The following ANO3 variants were observed in gnomAD, a reference collection of about 807,000 sequenced individuals.
The protein encoded by ANO3 is anoctamin 3.
In ANO3, 99 loss-of-function variants were observed where a neutral mutation model predicts 144.8. That is an observed-to-expected ratio of 0.68 (90% confidence interval 0.58 to 0.81). The LOEUF is 0.81. Among genes scored for constraint, ANO3 ranks in the 30% least tolerant of loss-of-function variants. ANO3 has a pLI of 0.00. For synonymous variants in ANO3, 414 were observed against 392.6 expected (o/e 1.05, Z -0.64); for missense variants, 905 against 1,202.2 (o/e 0.75, Z 3.66).
At chr11:26,561,217 A>G (rs755698603) in intron 14 of ANO3, 1 of 1,602,488 alleles carries the variant, frequency 6.2e-7, no homozygotes, top group East Asian at 2.3e-5. Flanking sequence ...GCATTGTCTA[A>G]TCGCAGAACT....
chr11:26,564,726 CACACACATATATATATATATAT>C (rs1352079320), intron 14 of ANO3, among the ~76,000 whole-genome samples: 106 of 49,306 alleles, frequency 2.1e-3, no homozygotes, highest in African/African-American at 7.8e-3. Flanking sequence ...CACACACACA[CACACACATATATATATATATAT>C]ATATATATAT....
intron 11 of ANO3, among the ~76,000 whole-genome samples, chr11:26,544,873 T>C (rs1440577772): frequency 6.6e-6 from 1 of 151,964 alleles, no homozygotes; most frequent in African/African-American, 2.4e-5. Flanking sequence ...GGATTTTTTT[T>C]CTTAAAAAAT....
chr11:26,396,243 C>T (rs1464775006), intron 1 of ANO3, among the ~76,000 whole-genome samples: 1 of 152,126 alleles, frequency 6.6e-6, no homozygotes, highest in African/African-American at 2.4e-5. Context: ...AATGAAATAC[C>T]ATCTCATGCC....
At chr11:26,555,824 A>T (rs1057171618) in intron 13 of ANO3, among the ~76,000 whole-genome samples, 12 of 152,196 alleles carry the variant, frequency 7.9e-5, no homozygotes, top group Non-Finnish European at 1.8e-4. Context: ...ATCAGATATA[A>T]GGGAGCAGAT....
chr11:26,190,495 T>C (rs1246514629), intron 1 of ANO3, among the ~76,000 whole-genome samples: 1 of 152,206 alleles, frequency 6.6e-6, no homozygotes, highest in Non-Finnish European at 1.5e-5. Context: ...GTAGGGAAAT[T>C]AATTTTTTAC....
At chr11:26,191,502 G>A (rs1258905890) in intron 1 of ANO3, among the ~76,000 whole-genome samples, 1 of 151,938 alleles carries the variant, frequency 6.6e-6, no homozygotes, top group East Asian at 1.9e-4. Flanking sequence ...CCTGCCCATG[G>A]ATGGCTAGGA....
chr11:26,226,823 A>T (rs1852267031), intron 1 of ANO3, among the ~76,000 whole-genome samples: 1 of 152,150 alleles, frequency 6.6e-6, no homozygotes, highest in Non-Finnish European at 1.5e-5. Flanking sequence ...ATTTTTAAGT[A>T]TACAGATCAG....
chr11:26,649,434 T>G (rs989399062), intron 24 of ANO3, among the ~76,000 whole-genome samples: 1 of 152,186 alleles, frequency 6.6e-6, no homozygotes, highest in Non-Finnish European at 1.5e-5. Context: ...CTGGACCTAG[T>G]TGGTTCATAA....
At chr11:26,257,534 A>AT (rs755855260) in intron 1 of ANO3, among the ~76,000 whole-genome samples, 11 of 152,122 alleles carry the variant, frequency 7.2e-5, no homozygotes, top group Non-Finnish European at 1.0e-4. Flanking sequence ...TTTTTAAAAG[A>AT]TTTTACATTT....
intron 1 of ANO3, among the ~76,000 whole-genome samples, chr11:26,354,034 C>T (rs1030721901): frequency 6.6e-6 from 1 of 152,050 alleles, no homozygotes; most frequent in African/African-American, 2.4e-5. Context: ...GAAATCTAGA[C>T]CTCTATTAAA....
chr11:26,211,171 T>G (rs1315060747), intron 1 of ANO3, among the ~76,000 whole-genome samples: 1 of 152,048 alleles, frequency 6.6e-6, no homozygotes, highest in East Asian at 1.9e-4. Flanking sequence ...TAGAACACAG[T>G]GCAATCAAAA....
chr11:26,553,169 T>A, intron 12 of ANO3, 80 bp from the exon 13 acceptor site: 2 of 1,023,478 alleles, frequency 2.0e-6, no homozygotes, highest in Non-Finnish European at 3.0e-6. Context: ...CCAACAGGAT[T>A]TGCTGTAGGG....
At chr11:26,631,016 A>T (rs962308547) in intron 18 of ANO3, among the ~76,000 whole-genome samples, 9 of 151,224 alleles carry the variant, frequency 6.0e-5, no homozygotes, top group Non-Finnish European at 1.2e-4. Flanking sequence ...TAGTTTTTTG[A>T]AGAGTACCTA....
At chr11:26,194,729 TA>T (rs906594794) in intron 1 of ANO3, among the ~76,000 whole-genome samples, 82 of 151,930 alleles carry the variant, frequency 5.4e-4, no homozygotes, top group Non-Finnish European at 6.6e-4. Flanking sequence ...CACACCTGGC[TA>T]ATTTTTTGTA....
At chr11:26,606,468 G>A (rs908525595) in intron 17 of ANO3, among the ~76,000 whole-genome samples, 1 of 152,138 alleles carries the variant, frequency 6.6e-6, no homozygotes, top group African/African-American at 2.4e-5. Context: ...CTGAGTTCAA[G>A]TCCTGAATAT....
At chr11:26,533,550 T>G (rs922931656) in intron 8 of ANO3, among the ~76,000 whole-genome samples, 11 of 151,556 alleles carry the variant, frequency 7.3e-5, no homozygotes, top group Admixed American at 5.9e-4. Flanking sequence ...TAATGATGCT[T>G]GTAGAGGAAA....
At chr11:26,597,124 T>C (rs149399509) in intron 14 of ANO3, among the ~76,000 whole-genome samples, 1,551 of 152,278 alleles carry the variant, frequency 0.01, 40 homozygotes, top group African/African-American at 0.036. Context: ...CTCACCGCTT[T>C]GGAGAAGCGC....
intron 1 of ANO3, among the ~76,000 whole-genome samples, chr11:26,263,296 C>T (rs536217750): frequency 2.0e-5 from 3 of 152,162 alleles, no homozygotes; most frequent in Admixed American, 1.3e-4. Flanking sequence ...AGGAACTAGT[C>T]GAAGACTAGA....
At chr11:26,230,933 C>T (rs1316727740) in intron 1 of ANO3, among the ~76,000 whole-genome samples, 1 of 143,316 alleles carries the variant, frequency 7.0e-6, no homozygotes. Context: ...CCCTCTGTTG[C>T]CCCAGCTGGA....
Sources: gnomAD v4.1 joint callset for allele counts (sites outside exome capture counted in the v4.1 genomes callset) on GRCh38, gnomAD v4.1.1 for gene constraint, MANE v1.5 for transcripts, NCBI Gene and HGNC (gene_info 2026-07-23, HGNC 2026-07-21) for gene names.